The following RGS7 variants were observed in gnomAD, a reference collection of about 807,000 sequenced individuals.
RGS7 encodes regulator of G protein signaling 7, also known as regulator of G-protein signaling 7.
In RGS7, 27 loss-of-function variants were observed where a neutral mutation model predicts 81.1. That is an observed-to-expected ratio of 0.33 (90% confidence interval 0.25 to 0.46). RGS7 has a LOEUF of 0.46. Among genes scored for constraint, RGS7 ranks in the 20% least tolerant of loss-of-function variants. RGS7 has a pLI of 1.00. For synonymous variants in RGS7, 208 were observed against 207.7 expected, an observed-to-expected ratio of 1.00 and a Z score of -0.01; for missense variants, 396 against 607.4, an observed-to-expected ratio of 0.65 and a Z score of 3.66.
chr1:240,819,336 A>T (rs772982706), intron 10 of RGS7, among the ~76,000 whole-genome samples: 12 of 152,256 alleles, frequency 7.9e-5, no homozygotes, highest in Non-Finnish European at 1.6e-4. Flanking sequence ...ACTGCTAGAA[A>T]AACACAGCAA....
intron 2 of RGS7, among the ~76,000 whole-genome samples, chr1:241,177,993 G>T (rs1413405627): frequency 6.6e-6 from 1 of 152,150 alleles, no homozygotes; most frequent in Non-Finnish European, 1.5e-5. Context: ...CATAAGTCAG[G>T]AGTCTAGGAC....
chr1:241,052,521 T>A (rs1004247923), intron 3 of RGS7, among the ~76,000 whole-genome samples: 5 of 152,132 alleles, frequency 3.3e-5, no homozygotes, highest in Non-Finnish European at 7.4e-5. Flanking sequence ...CTCTTTGCCA[T>A]AATACACTCT....
At chr1:241,110,017 A>G (rs995022617) in intron 2 of RGS7, among the ~76,000 whole-genome samples, 4 of 152,284 alleles carry the variant, frequency 2.6e-5, no homozygotes, top group Non-Finnish European at 4.4e-5. Context: ...AAAATATTAA[A>G]CGTTAAGTTC....
chr1:241,052,148 T>C (rs2061285266), intron 3 of RGS7, among the ~76,000 whole-genome samples: 1 of 152,154 alleles, frequency 6.6e-6, no homozygotes, highest in Non-Finnish European at 1.5e-5. Context: ...CCGTGTTCAA[T>C]GCTAGGGATA....
At chr1:241,208,387 A>G (rs185486594) in intron 2 of RGS7, among the ~76,000 whole-genome samples, 144 of 152,198 alleles carry the variant, frequency 9.5e-4, no homozygotes, top group Middle Eastern at 6.8e-3. Flanking sequence ...CCACACCACG[A>G]CACTGCTGGC....
In RGS7 at chr1:240,806,090, C is replaced by T. The variant is rs541313007; in HGVS notation, c.1269+50G>A. On this transcript the variant is annotated intron_variant, in intron 15 of 18. Transcript: ENST00000440928. Reference sequence around the variant, plus strand: ...GAAAATAAAATGAATACATCTAACGCTCAACTTCTCGGAAGCACGTTTGTG... The same window carrying T: ...GAAAATAAAATGAATACATCTAACGTTCAACTTCTCGGAAGCACGTTTGTG... 615 of 1,520,684 alleles carry T rather than the reference C, an allele frequency of 4.0e-4. 9 individuals are homozygous for T. In the South Asian group the frequency reaches 6.6e-3, roughly 16 times the overall value. 94.2% of individuals were successfully genotyped at this position (1,520,684 alleles called of 1,614,324 possible). A position where few individuals can be genotyped will look rare whatever the true frequency, so the allele number is the denominator to read the frequency against.
chr1:241,048,190 C>T (rs976850307), intron 3 of RGS7, among the ~76,000 whole-genome samples: 1 of 152,080 alleles, frequency 6.6e-6, no homozygotes, highest in African/African-American at 2.4e-5. Flanking sequence ...CACCTTATTT[C>T]CACTTTAGAT....
intron 2 of RGS7, among the ~76,000 whole-genome samples, chr1:241,165,909 T>C (rs1488168201): frequency 1.3e-5 from 2 of 151,810 alleles, no homozygotes; most frequent in African/African-American, 2.4e-5. Context: ...ATCAGAAGCA[T>C]CTGCATCGGC....
chr1:240,984,756 A>G (rs1685414585), intron 3 of RGS7, among the ~76,000 whole-genome samples: 1 of 152,210 alleles, frequency 6.6e-6, no homozygotes, highest in Non-Finnish European at 1.5e-5. Flanking sequence ...GAGATTTGGC[A>G]AATTAATTAC....
intron 3 of RGS7, among the ~76,000 whole-genome samples, chr1:241,089,812 C>G (rs559038520): frequency 1.3e-5 from 2 of 151,622 alleles, no homozygotes; most frequent in Non-Finnish European, 2.9e-5. Context: ...GAGACCATCC[C>G]GGCTAACACG....
intron 10 of RGS7, among the ~76,000 whole-genome samples, chr1:240,825,993 C>G (rs1436452286): frequency 1.3e-5 from 2 of 152,142 alleles, no homozygotes; most frequent in Non-Finnish European, 2.9e-5. Flanking sequence ...TGGCTTAATG[C>G]ACTTTTTGGA....
chr1:240,810,467 G>A (rs1689655105), intron 14 of RGS7, among the ~76,000 whole-genome samples: 1 of 117,858 alleles, frequency 8.5e-6, no homozygotes, highest in Non-Finnish European at 1.7e-5. Context: ...TTTTTTTTGA[G>A]ACAGAGTCTT....
At chr1:240,795,048 G>A (rs1467067131) in intron 18 of RGS7, among the ~76,000 whole-genome samples, 1 of 152,032 alleles carries the variant, frequency 6.6e-6, no homozygotes, top group Non-Finnish European at 1.5e-5. Context: ...AGCTGGGCCT[G>A]GTGGCACATG....
At chr1:240,890,654 AT>A (rs1668147622) in intron 6 of RGS7, among the ~76,000 whole-genome samples, 1 of 152,114 alleles carries the variant, frequency 6.6e-6, no homozygotes, top group Non-Finnish European at 1.5e-5. Flanking sequence ...AGGCACTGTG[AT>A]TGTGCTTTAT....
intron 2 of RGS7, among the ~76,000 whole-genome samples, chr1:241,309,258 C>T (rs1178812693): frequency 3.3e-5 from 5 of 151,518 alleles, no homozygotes; most frequent in African/African-American, 4.9e-5. Flanking sequence ...TGGTGGCAGG[C>T]GCTTGTAATC....
intron 4 of RGS7, among the ~76,000 whole-genome samples, chr1:240,940,922 AC>A (rs1352058774): frequency 6.6e-6 from 1 of 152,216 alleles, no homozygotes; most frequent in Non-Finnish European, 1.5e-5. Flanking sequence ...TTCATGTAAT[AC>A]TACCATAATT....
intron 6 of RGS7, among the ~76,000 whole-genome samples, chr1:240,885,324 T>C (rs573668970): frequency 6.6e-6 from 1 of 152,098 alleles, no homozygotes; most frequent in African/African-American, 2.4e-5. Context: ...TGTTCAACCA[T>C]TGTGGAAAGC....
chr1:241,227,907 C>T (rs1477533593), intron 2 of RGS7, among the ~76,000 whole-genome samples: 5 of 152,152 alleles, frequency 3.3e-5, no homozygotes, highest in Admixed American at 3.3e-4. Context: ...CTCATCCCAC[C>T]GGCCCTTCTC....
At chr1:241,230,857 A>G (rs1413159163) in intron 2 of RGS7, among the ~76,000 whole-genome samples, 2 of 152,218 alleles carry the variant, frequency 1.3e-5, no homozygotes, top group African/African-American at 4.8e-5. Context: ...TGGACCCCTC[A>G]TGGTGCTCTA....
Sources: gnomAD v4.1 joint callset for allele counts (sites outside exome capture counted in the v4.1 genomes callset) on GRCh38, gnomAD v4.1.1 for gene constraint, MANE v1.5 for transcripts, NCBI Gene and HGNC (gene_info 2026-07-23, HGNC 2026-07-21) for gene names.